SCRN1: variants seen among roughly 807,000 people sequenced by gnomAD.
The protein encoded by SCRN1 is secernin 1, also known as secernin-1.
In SCRN1, 19 loss-of-function variants were observed where a neutral mutation model predicts 43.3. That is an observed-to-expected ratio of 0.44 (90% CI 0.31 to 0.64). The LOEUF (loss-of-function observed/expected upper bound fraction) is 0.64. Among genes scored for constraint, SCRN1 ranks in the 30% least tolerant of loss-of-function variants. The probability of loss-of-function intolerance (pLI) is 0.09; values close to 1 mark genes in which losing one functional copy is unlikely to be tolerated. For synonymous variants in SCRN1, 183 were observed against 188.9 expected, an observed-to-expected ratio of 0.97 and a Z score of 0.26; for missense variants, 447 against 524.1, an observed-to-expected ratio of 0.85 and a Z score of 1.44.
chr7:29,963,903 T>A (rs1788407663), intron 2 of SCRN1, among the ~76,000 whole-genome samples: 1 of 152,234 alleles, frequency 6.6e-6, no homozygotes, highest in Admixed American at 6.5e-5. Flanking sequence ...AAGTTCAAAG[T>A]TATATATTAA....
At chr7:29,955,030 T>C (rs1788084935) in intron 3 of SCRN1, 149 bp downstream of exon 3, 2 of 668,774 alleles carry the variant, frequency 3.0e-6, no homozygotes, top group Admixed American at 5.5e-5. Flanking sequence ...ATCCACTCAT[T>C]TATCTCATCA....
intron 6 of SCRN1, among the ~76,000 whole-genome samples, chr7:29,934,216 A>G (rs1787249740): frequency 2.0e-5 from 3 of 152,220 alleles, no homozygotes; most frequent in African/African-American, 7.2e-5. Flanking sequence ...ACCATGAATA[A>G]TTTTCTTTTA....
At chr7:29,981,972 T>C (rs1182606753) in intron 1 of SCRN1, among the ~76,000 whole-genome samples, 1 of 152,176 alleles carries the variant, frequency 6.6e-6, no homozygotes, top group Non-Finnish European at 1.5e-5. Flanking sequence ...AGGACACGCC[T>C]GTCACTAGTA....
intron 4 of SCRN1, among the ~76,000 whole-genome samples, chr7:29,942,014 A>T (rs913637753): frequency 1.3e-5 from 2 of 152,226 alleles, no homozygotes; most frequent in Non-Finnish European, 2.9e-5. Flanking sequence ...GTTTTGCTTC[A>T]CTGATTTACA....
At chr7:29,941,859 G>A (rs1027554844) in intron 4 of SCRN1, among the ~76,000 whole-genome samples, 1 of 152,182 alleles carries the variant, frequency 6.6e-6, no homozygotes, top group African/African-American at 2.4e-5. Context: ...TAGCTTAAAA[G>A]GGCCATTCCT....
intron 1 of SCRN1, among the ~76,000 whole-genome samples, chr7:29,978,764 G>A (rs559309556): frequency 1.3e-5 from 2 of 152,324 alleles, no homozygotes; most frequent in Admixed American, 1.3e-4. Context: ...GGAGACTCTG[G>A]GAGAACCCCA....
Position 29,922,011 on chromosome 7 carries a change from G to C in SCRN1, c.*1946C>G, listed in dbSNP as rs1438476336. On this transcript the variant is annotated 3_prime_UTR_variant, in exon 8 of 8. Transcript: ENST00000242059. ...TGGAACATGGACTTGGGAGGGGAGA[G>C]TTACCTACGTCATCCTCGAACCTCA... 6.6e-6 allele frequency: 1 copy of C among 152,058 alleles called. No homozygotes were observed. The highest frequency in any genetic ancestry group is 6.5e-5 in the Admixed American group (1 of 15,270). The allele number at this position is 152,058 out of a possible 1,614,324, so 9.4% of individuals were successfully genotyped here.
chr7:29,921,769 C>A lies in SCRN1; in HGVS notation c.*2188G>T, dbSNP rs970999569. The A allele has an allele frequency of 2.6e-5, 4 of 152,170 alleles. No homozygotes were observed. The highest frequency in any genetic ancestry group is 2.6e-4 in the Admixed American group (4 of 15,272). The allele number at this position is 152,170 out of a possible 1,614,324, so 9.4% of individuals were successfully genotyped here. On this transcript the variant is annotated 3_prime_UTR_variant, in exon 8 of 8. Transcript: ENST00000242059. ...TTTCCCAATGGGTAATGACATAAAG[C>A]GGGTAGGGTTATCCATGGCCTTTGT...
chr7:29,949,288 C>A (rs1787837286), intron 3 of SCRN1, among the ~76,000 whole-genome samples: 1 of 150,492 alleles, frequency 6.6e-6, no homozygotes, highest in Admixed American at 6.6e-5. Flanking sequence ...GCACTCCAGC[C>A]TGGGTGACAG....
intron 6 of SCRN1, among the ~76,000 whole-genome samples, chr7:29,929,711 C>T (rs1787094200): frequency 6.6e-6 from 1 of 152,272 alleles, no homozygotes; most frequent in Non-Finnish European, 1.5e-5. Context: ...TGGCTCTCAT[C>T]TGACTACAGT....
chr7:29,988,819 T>C (rs867432658), intron 1 of SCRN1: 1 of 152,406 alleles, frequency 6.6e-6, no homozygotes, highest in Non-Finnish European at 1.5e-5. Context: ...GATGTTTTCA[T>C]GGACATTTTT....
At chr7:29,941,558 G>C (rs1583661687) in intron 4 of SCRN1, among the ~76,000 whole-genome samples, 1 of 152,276 alleles carries the variant, frequency 6.6e-6, no homozygotes, top group East Asian at 1.9e-4. Flanking sequence ...ACATGCGTGT[G>C]AGTGTGTGAG....
chr7:29,934,581 G>A (rs1225950332), intron 6 of SCRN1, among the ~76,000 whole-genome samples: 1 of 152,218 alleles, frequency 6.6e-6, no homozygotes, highest in African/African-American at 2.4e-5. Context: ...AGCATTAGGG[G>A]AGCAAACTAG....
chr7:29,985,286 T>A lies in SCRN1; in HGVS notation c.-2+4356A>T, dbSNP rs186643284. Among the ~76,000 whole-genome samples the A allele has an allele frequency of 2.6e-3, 379 of 143,864 alleles. 46 individuals carry two copies. Among genetic ancestry groups the A allele is most frequent in the African/African-American group, 9.5e-3 (362 of 37,952 alleles). 94.4% of individuals were successfully genotyped at this position (143,864 alleles called of 152,430 possible). On this transcript the variant is annotated intron_variant, in intron 1 of 7. Coordinates refer to ENST00000242059, the MANE Select transcript of SCRN1 (RefSeq NM_014766.5). ...CAGGCATGGTGGTGCGCACCTGTAA[T>A]CCCAGCTACTCAGGAGACTAAAGCA...
At chr7:29,953,190 C>T (rs1451933505) in intron 3 of SCRN1, among the ~76,000 whole-genome samples, 1 of 152,254 alleles carries the variant, frequency 6.6e-6, no homozygotes, top group Non-Finnish European at 1.5e-5. Flanking sequence ...GGCATCAAAT[C>T]TCAGATCACT....
chr7:29,928,606 C>T (rs1336083566), intron 6 of SCRN1, among the ~76,000 whole-genome samples: 1 of 152,122 alleles, frequency 6.6e-6, no homozygotes, highest in Admixed American at 6.5e-5. Flanking sequence ...GGCCCATCTC[C>T]GATCCACTGG....
intron 1 of SCRN1, among the ~76,000 whole-genome samples, chr7:29,987,370 T>C (rs1428986205): frequency 6.6e-6 from 1 of 152,246 alleles, no homozygotes; most frequent in East Asian, 1.9e-4. Context: ...GCTTGTTATT[T>C]ACTTTTACTT....
At position 29,950,087 on chromosome 7, in the gene SCRN1, G is replaced by A. The variant is rs1230031206; in HGVS notation, c.341+5092C>T. Reference sequence around the variant, plus strand: ...CAGGGTGGGAGCCCCATGCTCCCAGGCACAGCTGCAGCTGCTCTGGACCTG... The same window carrying A: ...CAGGGTGGGAGCCCCATGCTCCCAGACACAGCTGCAGCTGCTCTGGACCTG... On this transcript the variant is annotated intron_variant, in intron 3 of 7. Transcript: ENST00000242059. This position sits in a 1 kb window ranked among gnomAD's most constrained non-coding sequence, Gnocchi z 4.5. Among the ~76,000 whole-genome samples the A allele has an allele frequency of 6.6e-6, 1 of 152,152 alleles. No individual in the cohort carries two copies. Among genetic ancestry groups the A allele is most frequent in the African/African-American group, 2.4e-5 (1 of 41,432 alleles).
At chr7:29,970,641 T>C (rs1788638974) in intron 1 of SCRN1, among the ~76,000 whole-genome samples, 1 of 152,226 alleles carries the variant, frequency 6.6e-6, no homozygotes, top group Non-Finnish European at 1.5e-5. Flanking sequence ...AGCCGTACAC[T>C]ATGTCTTATG....
Sources: allele counts gnomAD v4.1 joint callset (sites outside exome capture counted in the v4.1 genomes callset), GRCh38; gene constraint gnomAD v4.1.1; non-coding constraint Gnocchi (gnomAD v3.1); transcripts MANE v1.5; gene names NCBI Gene and HGNC (gene_info 2026-07-23, HGNC 2026-07-21).